MTHFD1L: variants seen among roughly 807,000 people sequenced by gnomAD.
MTHFD1L encodes the protein monofunctional C1-tetrahydrofolate synthase, mitochondrial.
In MTHFD1L, 81 loss-of-function variants were observed where a neutral mutation model predicts 119.5. That is an observed-to-expected ratio of 0.68 (90% CI 0.57 to 0.82). The LOEUF (loss-of-function observed/expected upper bound fraction) is 0.82, where lower values mean the gene tolerates loss of function less well. Among genes scored for constraint, MTHFD1L ranks in the 40% least tolerant of loss-of-function variants. MTHFD1L has a pLI of 0.00. For missense variants in MTHFD1L, 1,125 were observed against 1,253.4 expected, an observed-to-expected ratio of 0.90 and a Z score of 1.55; for synonymous variants, 430 against 475.2, an observed-to-expected ratio of 0.90 and a Z score of 1.24.
intron 8 of MTHFD1L, among the ~76,000 whole-genome samples, chr6:150,906,318 T>A (rs1171808780): frequency 6.6e-6 from 1 of 152,170 alleles, no homozygotes; most frequent in Admixed American, 6.5e-5. Context: ...TTTGATGGCA[T>A]TTTGCCAAGG....
In MTHFD1L at chr6:150,918,624, G is replaced by A. The variant is rs1788399076; in HGVS notation, c.940G>A (p.Glu314Lys). Reference protein sequence around the residue: ...SPRIHFGGLIEEDDVILLAAA... With the variant: ...SPRIHFGGLIKEDDVILLAAA... ...AAGAATACATTTTGGTGGACTCATT[G>A]AGGAAGATGATGTGATTCTCCTTGC... is the stretch of plus-strand genomic sequence containing the variant. Residue 314 changes from glutamate (E) to lysine (K), a missense_variant, in exon 9 of 28, where the codon GAG (glutamate) becomes AAG (lysine). Coordinates refer to ENST00000367321, the MANE Select transcript of MTHFD1L (RefSeq NM_015440.5). 1 of 1,614,180 alleles carries A rather than the reference G, an allele frequency of 6.2e-7. No individual in the cohort carries two copies. Among genetic ancestry groups the A allele is most frequent in the Admixed American group, 1.7e-5 (1 of 60,020 alleles).
chr6:151,088,513 T>C (rs1195395685), intron 26 of MTHFD1L: 1 of 152,114 alleles, frequency 6.6e-6, no homozygotes, highest in Non-Finnish European at 1.5e-5. Context: ...CTGGAGTGCA[T>C]TGGTGCACTC....
intron 26 of MTHFD1L, among the ~76,000 whole-genome samples, chr6:151,055,360 C>T (rs1356646298): frequency 1.3e-5 from 2 of 152,038 alleles, no homozygotes; most frequent in Non-Finnish European, 2.9e-5. Flanking sequence ...TCATTAATGC[C>T]CCCAGCACCT....
At chr6:150,930,873 A>G (rs1790921680) in intron 11 of MTHFD1L, among the ~76,000 whole-genome samples, 1 of 152,210 alleles carries the variant, frequency 6.6e-6, no homozygotes, top group Non-Finnish European at 1.5e-5. Flanking sequence ...AAACTTTAGG[A>G]TTTCTTATTC....
At chr6:151,016,009 C>T (rs908416863) in intron 24 of MTHFD1L, among the ~76,000 whole-genome samples, 1 of 152,138 alleles carries the variant, frequency 6.6e-6, no homozygotes, top group Admixed American at 6.5e-5. Flanking sequence ...ATTGCTTGAA[C>T]CCAGGAGGTG....
At chr6:150,883,016 AAT>A in intron 5 of MTHFD1L, 130 bp downstream of exon 5, 1 of 1,003,070 alleles carries the variant, frequency 1.0e-6, no homozygotes, top group Non-Finnish European at 1.4e-6. Context: ...AATCATTTTA[AAT>A]ATTTCAGGAG....
chr6:151,043,075 G>A (rs1014739766), intron 26 of MTHFD1L, among the ~76,000 whole-genome samples: 1 of 152,082 alleles, frequency 6.6e-6, no homozygotes, highest in Non-Finnish European at 1.5e-5. Flanking sequence ...GAGCTAGAAC[G>A]TTTCCATAAG....
In MTHFD1L at chr6:150,877,702, T is replaced by TA; in HGVS notation, c.363+24dup. ...CTGAGGAGGTGAGGACTGCTGCTTT[T>TA]AAAAAATTCACTATAACTTTTAACA... is the stretch of plus-strand genomic sequence containing the variant. On this transcript the variant is annotated intron_variant, in intron 3 of 27. Transcript: ENST00000367321. 6.2e-7 allele frequency: 1 copy of TA among 1,614,220 alleles called. No homozygotes were observed.
Position 151,014,901 on chromosome 6 carries a change from G to T in MTHFD1L, c.2329G>T (p.Gly777Cys). 1 of 1,613,992 alleles carries T rather than the reference G, an allele frequency of 6.2e-7. No individual in the cohort carries two copies. The highest frequency in any genetic ancestry group is 8.5e-7 in the Non-Finnish European group (1 of 1,179,970). The change falls in exon 23 of 28, where the codon GGC becomes TGC. Residue 777 changes from glycine to cysteine, a missense_variant. By Grantham distance (159) the Gly-to-Cys change is radical. Around this residue, in one of 3 missense-constraint regions of MTHFD1L, gnomAD observed 1,058 missense variants for 1,151.2 expected, o/e 0.92. Transcript: ENST00000367321. ...ACAGAACATCCAGCTGGTGGCAGAC[G>T]GCTGCTGTAACCTCCAGAAGCAAAT... The part of the protein sequence containing the change: ...TEENIQLVAD[G>C]CCNLQKQIQI...
intron 20 of MTHFD1L, among the ~76,000 whole-genome samples, chr6:151,007,886 C>T (rs567737942): frequency 5.3e-5 from 8 of 152,286 alleles, no homozygotes; most frequent in African/African-American, 1.4e-4. Flanking sequence ...TTTTATTTCT[C>T]GAAATTGTTC....
intron 26 of MTHFD1L, among the ~76,000 whole-genome samples, chr6:151,078,647 C>T (rs1220366405): frequency 1.3e-5 from 2 of 152,114 alleles, no homozygotes; most frequent in Non-Finnish European, 2.9e-5. Flanking sequence ...TCCCAGAGGC[C>T]ATGTGGGTTT....
intron 6 of MTHFD1L, among the ~76,000 whole-genome samples, 175 bp downstream of exon 6, chr6:150,885,909 T>C (rs936804943): frequency 6.6e-6 from 1 of 152,224 alleles, no homozygotes; most frequent in Non-Finnish European, 1.5e-5. Flanking sequence ...TCACGTTGAC[T>C]TTTTTTATTT....
At chr6:151,024,016 C>A (rs978228723) in intron 24 of MTHFD1L, among the ~76,000 whole-genome samples, 60 of 152,016 alleles carry the variant, frequency 3.9e-4, no homozygotes, top group African/African-American at 1.4e-3. Flanking sequence ...CCACTTAAGA[C>A]AGAAAACTAC....
At chr6:150,900,983 C>T (rs993394144) in intron 7 of MTHFD1L, among the ~76,000 whole-genome samples, 4 of 150,990 alleles carry the variant, frequency 2.6e-5, no homozygotes, top group African/African-American at 4.9e-5. Flanking sequence ...CCACTGCACT[C>T]CAGCCTGGAC....
At chr6:150,995,658 C>T (rs1206727637) in intron 20 of MTHFD1L, among the ~76,000 whole-genome samples, 2 of 151,912 alleles carry the variant, frequency 1.3e-5, no homozygotes, top group East Asian at 3.9e-4. Flanking sequence ...AATAACATAT[C>T]GCTAATAACA....
intron 26 of MTHFD1L, among the ~76,000 whole-genome samples, chr6:151,084,698 G>A (rs913641879): frequency 6.6e-6 from 1 of 152,090 alleles, no homozygotes; most frequent in Non-Finnish European, 1.5e-5. Context: ...GGGCGTGGTG[G>A]CTCATGCCTG....
At position 150,904,795 on chromosome 6, in the gene MTHFD1L, C is replaced by T. The variant is rs1028097275; in HGVS notation, c.781-855C>T. Among the ~76,000 whole-genome samples, 6 of 152,130 alleles carry T rather than the reference C, an allele frequency of 3.9e-5. No homozygotes were observed. The South Asian group carries it at 6.2e-4, about 16-fold the overall frequency. ...GATCAAAATGCAAATAGGATGGACA[C>T]GATCAATGCATTTTGTTGGAGTGGT... On this transcript the variant is annotated intron_variant, in intron 7 of 27. Transcript: ENST00000367321.
intron 22 of MTHFD1L, among the ~76,000 whole-genome samples, chr6:151,014,464 G>GCTTA (rs1782718759): frequency 6.6e-6 from 1 of 152,180 alleles, no homozygotes; most frequent in African/African-American, 2.4e-5. Flanking sequence ...TACAGGAGTG[G>GCTTA]CTTACTCTTT....
At chr6:151,013,678 C>G (rs551527588) in intron 21 of MTHFD1L, 101 bp from the exon 22 acceptor site, 3 of 1,091,162 alleles carry the variant, frequency 2.7e-6, no homozygotes, top group Non-Finnish European at 2.7e-6. Flanking sequence ...CATAGAGGTA[C>G]ATTTCTAAAA....
Sources: allele counts gnomAD v4.1 joint callset (sites outside exome capture counted in the v4.1 genomes callset), GRCh38; gene constraint gnomAD v4.1.1; regional missense constraint gnomAD v4.1.1; transcripts MANE v1.5; gene names NCBI Gene and HGNC (gene_info 2026-07-23, HGNC 2026-07-21).